The following MEIOB variants were observed in gnomAD, a reference collection of about 807,000 sequenced individuals.
MEIOB encodes meiosis specific with OB-fold, also known as meiosis-specific with OB domain-containing protein.
In MEIOB, 50 loss-of-function variants were observed where a neutral mutation model predicts 53.1. The ratio of observed to expected loss-of-function variants is 0.94; its 90% confidence interval spans 0.75 to 1.19. MEIOB has a LOEUF of 1.19. MEIOB is among the 50% of genes most tolerant of loss of function. The pLI is 0.00. For synonymous variants in MEIOB, 192 were observed against 182.5 expected (o/e 1.05, Z -0.42); for missense variants, 551 against 550.8 (o/e 1.00, Z 0.00).
intron 6 of MEIOB, among the ~76,000 whole-genome samples, 172 bp from the exon 7 acceptor site, chr16:1,854,372 T>C (rs550984743): frequency 3.3e-5 from 5 of 152,362 alleles, no homozygotes; most frequent in East Asian, 3.9e-4. Context: ...CTAAACTACA[T>C]GTACGTAGCT....
At chr16:1,834,469 G>A (rs2142069634) in intron 13 of MEIOB, 103 bp from the exon 14 acceptor site, 3 of 629,338 alleles carry the variant, frequency 4.8e-6, no homozygotes, top group Non-Finnish European at 8.4e-6. Flanking sequence ...TGCAATGAAA[G>A]TTTTGTTTAC....
At chr16:1,859,656 G>C (rs388928) in intron 5 of MEIOB, among the ~76,000 whole-genome samples, 102,731 of 152,040 alleles carry the variant, frequency 0.68, 34,941 homozygotes, top group Middle Eastern at 0.79. Flanking sequence ...AATGAGGCTT[G>C]AGAGTCTGGC....
At chr16:1,850,605 TTAA>T (rs1439071034) in intron 9 of MEIOB, among the ~76,000 whole-genome samples, 1 of 147,128 alleles carries the variant, frequency 6.8e-6, no homozygotes, top group Non-Finnish European at 1.5e-5. Context: ...ACTATTTTTA[TTAA>T]TAAGTTATTT....
intron 10 of MEIOB, among the ~76,000 whole-genome samples, chr16:1,844,031 CTTCT>C (rs538916027): frequency 6.6e-6 from 1 of 151,444 alleles, no homozygotes; most frequent in East Asian, 1.9e-4. Context: ...TGTCTTTATC[CTTCT>C]ATTAGTATAT....
At chr16:1,859,546 A>G (rs1218023664) in intron 5 of MEIOB, among the ~76,000 whole-genome samples, 1 of 152,208 alleles carries the variant, frequency 6.6e-6, no homozygotes, top group African/African-American at 2.4e-5. Context: ...GTCTCAGTAA[A>G]AAATAAAAAA....
chr16:1,863,359 T>TA, intron 3 of MEIOB, among the ~76,000 whole-genome samples: 1 of 151,844 alleles, frequency 6.6e-6, no homozygotes, highest in African/African-American at 2.4e-5. Flanking sequence ...TTTTTGTTTT[T>TA]TGTTTTTTTT....
intron 3 of MEIOB, among the ~76,000 whole-genome samples, chr16:1,865,447 G>T (rs1161774454): frequency 2.2e-5 from 3 of 137,096 alleles, no homozygotes; most frequent in Non-Finnish European, 4.8e-5. Context: ...AAAAAAGAGA[G>T]AACACATGTA....
intron 4 of MEIOB, among the ~76,000 whole-genome samples, chr16:1,860,861 G>A (rs773384299): frequency 2.0e-5 from 3 of 152,086 alleles, no homozygotes; most frequent in South Asian, 2.1e-4. Context: ...CTAAATAACC[G>A]GTATGGGGAG....
Position 1,862,037 on chromosome 16 carries a change from G to A in MEIOB, c.207C>T (p.Gly69=). The change falls in exon 4 of 14, where the codon GGC becomes GGT. Residue 69 remains glycine (G), a synonymous_variant. Transcript: ENST00000325962. ...PAHFVNAASW[G]NEDYIKSLSD... ...AAAGAGACTTGATGTAATCTTCATT[G>A]CCCCAGGAAGCTGCATTTACAAAAT... is the stretch of plus-strand genomic sequence containing the variant. 1.3e-6 allele frequency: 2 copies of A among 1,551,306 alleles called. No homozygotes were observed. Among genetic ancestry groups the A allele is most frequent in the South Asian group, 1.2e-5 (1 of 84,056 alleles).
In MEIOB at chr16:1,837,787, TAAA is replaced by T; in HGVS notation, c.1299_1301del (p.Tyr433_Leu434delinsTer). On this transcript the variant is annotated stop_gained and inframe_deletion, in exon 13 of 14. Coordinates refer to ENST00000325962, the MANE Select transcript of MEIOB (RefSeq NM_001163560.3). LOFTEE classifies it high-confidence loss of function. ...TGGGACTATAAAATGCACTAACTTTTAAATAAATTTTGCTTCTTTCCAAGAGAA... is the reference window on the plus strand; with the variant it reads ...TGGGACTATAAAATGCACTAACTTTTTAAATTTTGCTTCTTTCCAAGAGAA... 6.7e-7 allele frequency: 1 copy of T among 1,492,360 alleles called. No homozygotes were observed. The highest frequency in any genetic ancestry group is 9.1e-7 in the Non-Finnish European group (1 of 1,101,986). 92.4% of individuals were successfully genotyped at this position (1,492,360 alleles called of 1,614,324 possible). A position where few individuals can be genotyped will look rare whatever the true frequency, so the allele number is the denominator to read the frequency against.
chr16:1,839,612 A>G, intron 11 of MEIOB, 174 bp from the exon 12 acceptor site: 1 of 575,494 alleles, frequency 1.7e-6, no homozygotes, highest in South Asian at 2.5e-5. Context: ...CACACTTTCT[A>G]CGCAGCCATT....
chr16:1,858,667 A>G (rs449530), intron 5 of MEIOB, among the ~76,000 whole-genome samples: 132,319 of 152,164 alleles, frequency 0.87, 57,953 homozygotes, highest in African/African-American at 0.97. Context: ...GAAATAACTC[A>G]GTATGAAAGC....
Position 1,862,062 on chromosome 16 carries a change from T to A in MEIOB, c.182A>T (p.His61Leu). 6.4e-7 allele frequency: 1 copy of A among 1,551,510 alleles called. No individual in the cohort carries two copies. ...GCCCCAGGAAGCTGCATTTACAAAA[T>A]GTGCTGGTGAATCCCGAATGGTGAA... ...FSFTIRDSPA[H>L]FVNAASWGNE... Residue 61 changes from histidine to leucine, a missense_variant, in exon 4 of 14, where the codon CAT becomes CTT. By Grantham distance (99) the His-to-Leu change is moderately conservative. Coordinates refer to ENST00000325962, the MANE Select transcript of MEIOB (RefSeq NM_001163560.3).
chr16:1,860,523 T>G, intron 4 of MEIOB, 48 bp from the exon 5 acceptor site: 1 of 1,055,212 alleles, frequency 9.5e-7, no homozygotes, highest in Non-Finnish European at 1.4e-6. Flanking sequence ...AGTAACAAGA[T>G]AAACACTAAC....
rs778489014 is a variant in MEIOB, at chr16:1,834,308, A to G, written c.1364T>C (p.Leu455Pro). 5.6e-6 allele frequency: 9 copies of G among 1,613,532 alleles called. No individual in the cohort carries two copies. The highest frequency in any genetic ancestry group is 3.3e-5 in the South Asian group (3 of 91,002). ...GLKISVLSCK[L>P]ADPTEASRNL... ...TCTGCTTGCCTCAGTAGGATCTGCA[A>G]GCTTGCACGAGAGTACACTAATTTT... is the stretch of plus-strand genomic sequence containing the variant. The change falls in exon 14 of 14, where the codon CTT becomes CCT. Residue 455 changes from leucine to proline, a missense_variant. Leu to Pro is a moderately conservative substitution (Grantham distance 98). Coordinates refer to ENST00000325962, the MANE Select transcript of MEIOB (RefSeq NM_001163560.3).
intron 9 of MEIOB, among the ~76,000 whole-genome samples, chr16:1,848,787 G>A (rs1301897769): frequency 2.0e-5 from 3 of 151,804 alleles, no homozygotes; most frequent in Non-Finnish European, 2.9e-5. Flanking sequence ...CAAGTGATCC[G>A]CCCACCTCGG....
intron 12 of MEIOB, among the ~76,000 whole-genome samples, chr16:1,838,843 C>T (rs1898819310): frequency 6.6e-6 from 1 of 152,152 alleles, no homozygotes; most frequent in South Asian, 2.1e-4. Context: ...AAGTGCACGT[C>T]ACCACACCCA....
intron 12 of MEIOB, among the ~76,000 whole-genome samples, chr16:1,838,723 G>A (rs896801698): frequency 2.0e-5 from 3 of 151,802 alleles, no homozygotes; most frequent in Non-Finnish European, 4.4e-5. Context: ...GACAAGTCTT[G>A]CTCTATCACT....
intron 9 of MEIOB, among the ~76,000 whole-genome samples, chr16:1,848,051 G>A (rs1483135885): frequency 3.3e-5 from 5 of 151,986 alleles, no homozygotes; most frequent in Admixed American, 2.6e-4. Flanking sequence ...GGGTTCAAGC[G>A]GTCCTCCTAT....
Sources: allele counts gnomAD v4.1 joint callset (sites outside exome capture counted in the v4.1 genomes callset), GRCh38; gene constraint gnomAD v4.1.1; transcripts MANE v1.5; gene names NCBI Gene and HGNC (gene_info 2026-07-23, HGNC 2026-07-21).